TCAF1: variants seen among roughly 807,000 people sequenced by gnomAD.
TCAF1 encodes the protein TRPM8 channel associated factor 1, also known as TRPM8 channel-associated factor 1.
TCAF1 carries 4 observed loss-of-function variants against 27.3 expected under a neutral mutation model. That is an observed-to-expected ratio of 0.15 (90% confidence interval 0.07 to 0.34). The LOEUF (loss-of-function observed/expected upper bound fraction) is 0.34. TCAF1 is among the 10% of genes least tolerant of loss of function. The pLI, the probability that TCAF1 is intolerant of heterozygous loss-of-function variation, is 1.00. For synonymous variants in TCAF1, 105 were observed against 167.1 expected (o/e 0.63, Z 2.87); for missense variants, 257 against 425.8 (o/e 0.60, Z 3.49).
intron 1 of TCAF1, among the ~76,000 whole-genome samples, chr7:143,900,856 A>G (rs1814083206): frequency 6.6e-6 from 1 of 152,238 alleles, no homozygotes; most frequent in Non-Finnish European, 1.5e-5. Context: ...TGAAAGATGA[A>G]TCTATAAAAC....
rs1391371544 is a variant in TCAF1 at position 143,859,880 on chromosome 7, C to T, written c.2167+328G>A. Among the ~76,000 whole-genome samples the T allele has an allele frequency of 1.4e-3, 115 of 84,798 alleles. 7 individuals carry two copies. Among genetic ancestry groups the T allele is most frequent in the African/African-American group, 5.9e-3 (102 of 17,154 alleles). The allele number at this position is 84,798 out of a possible 152,430, so 55.6% of individuals were successfully genotyped here. A position where few individuals can be genotyped will look rare whatever the true frequency, so the allele number is the denominator to read the frequency against. ...TTTTATATACACATATACATATATA[C>T]ATATATATAATATATATTATATAAT... is the stretch of plus-strand genomic sequence containing the variant. On this transcript the variant is annotated intron_variant, in intron 6 of 8. Transcript: ENST00000479870.
chr7:143,879,030 G>C (rs1034455143), intron 1 of TCAF1, among the ~76,000 whole-genome samples: 3 of 152,184 alleles, frequency 2.0e-5, no homozygotes, highest in African/African-American at 7.2e-5. Flanking sequence ...CTGCAGAGCT[G>C]GCTGCTCCCT....
intron 6 of TCAF1, among the ~76,000 whole-genome samples, 193 bp downstream of exon 6, chr7:143,860,015 A>AT (rs1811910752): frequency 1.4e-5 from 1 of 69,196 alleles, no homozygotes; most frequent in Non-Finnish European, 2.6e-5. Flanking sequence ...TATATATAAT[A>AT]TATATTATAT....
rs1491476913 is a variant in TCAF1 at position 143,860,027 on chromosome 7, T to TA, written c.2167+180_2167+181insT. Among the ~76,000 whole-genome samples the TA allele has an allele frequency of 3.0e-3, 72 of 24,330 alleles. 4 individuals carry two copies. Among genetic ancestry groups the TA allele is most frequent in the African/African-American group, 5.9e-3 (52 of 8,882 alleles). 16.0% of individuals were successfully genotyped at this position (24,330 alleles called of 152,430 possible). A position where few individuals can be genotyped will look rare whatever the true frequency, so the allele number is the denominator to read the frequency against. On this transcript the variant is annotated intron_variant, in intron 6 of 8. Transcript: ENST00000479870. ...ATATATATATAATATATATTATATA[T>TA]TATATATATAATATATAATATATAT... is the stretch of plus-strand genomic sequence containing the variant.
chr7:143,882,295 A>C (rs1328514901), intron 1 of TCAF1, among the ~76,000 whole-genome samples: 1 of 151,964 alleles, frequency 6.6e-6, no homozygotes, highest in Non-Finnish European at 1.5e-5. Flanking sequence ...GTTCACAAAG[A>C]TCAAAGGGCA....
intron 6 of TCAF1, among the ~76,000 whole-genome samples, chr7:143,859,987 A>ATT (rs1246432885): frequency 0.022 from 445 of 20,400 alleles, 89 homozygotes; most frequent in South Asian, 0.055. Flanking sequence ...TATATTATAT[A>ATT]ATATATATTA....
In TCAF1 at chr7:143,859,943, A is replaced by G. The variant is rs1290973671; in HGVS notation, c.2167+265T>C. Among the ~76,000 whole-genome samples the G allele has an allele frequency of 6.5e-3, 379 of 58,716 alleles. 57 individuals carry two copies. Among genetic ancestry groups the G allele is most frequent in the African/African-American group, 7.4e-3 (112 of 15,122 alleles). The allele number at this position is 58,716 out of a possible 152,430, so 38.5% of individuals were successfully genotyped here. A position where few individuals can be genotyped will look rare whatever the true frequency, so the allele number is the denominator to read the frequency against. ...ATATATATTATATAATATATATTAT[A>G]TAATATATATTACGGAATATATATT... On this transcript the variant is annotated intron_variant, in intron 6 of 8. Coordinates refer to ENST00000479870, the MANE Select transcript of TCAF1 (RefSeq NM_014719.3).
chr7:143,892,275 C>T (rs763057217), intron 1 of TCAF1, among the ~76,000 whole-genome samples: 2 of 151,742 alleles, frequency 1.3e-5, no homozygotes, highest in Non-Finnish European at 2.9e-5. Flanking sequence ...AGTACAGCTG[C>T]AAGATGGAGA....
In TCAF1 at chr7:143,901,986, G is replaced by A. The variant is rs1814140569; in HGVS notation, c.-40C>T. 6.6e-6 allele frequency: 1 copy of A among 152,318 alleles called. No individual in the cohort carries two copies. The highest frequency in any genetic ancestry group is 2.4e-5 in the African/African-American group (1 of 41,448). 9.4% of individuals were successfully genotyped at this position (152,318 alleles called of 1,614,324 possible). A position where few individuals can be genotyped will look rare whatever the true frequency, so the allele number is the denominator to read the frequency against. ...CCGGGGCCCAGGCCTCGGTCACCGC[G>A]GGCCTCTCCTGGTCCAGAGTCTACG... On this transcript the variant is annotated 5_prime_UTR_variant, in exon 1 of 9. Transcript: ENST00000479870.
chr7:143,897,739 C>T (rs77846201), intron 1 of TCAF1, among the ~76,000 whole-genome samples: 5,363 of 152,118 alleles, frequency 0.035, 126 homozygotes, highest in Non-Finnish European at 0.05. Flanking sequence ...TCATTAAAAT[C>T]TTCTGAAAAA....
At chr7:143,901,344 A>G (rs1216759730) in intron 1 of TCAF1, among the ~76,000 whole-genome samples, 1 of 152,156 alleles carries the variant, frequency 6.6e-6, no homozygotes, top group African/African-American at 2.4e-5. Flanking sequence ...CCAATTGGCA[A>G]AGATCTTTTT....
chr7:143,874,667 GA>G (rs1812591032), intron 2 of TCAF1, among the ~76,000 whole-genome samples: 1 of 151,916 alleles, frequency 6.6e-6, no homozygotes, highest in African/African-American at 2.4e-5. Context: ...CCTTTAGAGA[GA>G]AAAAGAGAAT....
intron 1 of TCAF1, among the ~76,000 whole-genome samples, chr7:143,888,463 G>A (rs1324322871): frequency 6.6e-6 from 1 of 152,202 alleles, no homozygotes; most frequent in Admixed American, 6.5e-5. Context: ...CAGGGTAAAG[G>A]TAAATAGGAA....
At chr7:143,876,978 T>C (rs1324622041) in intron 1 of TCAF1, among the ~76,000 whole-genome samples, 2 of 152,176 alleles carry the variant, frequency 1.3e-5, no homozygotes, top group Admixed American at 6.5e-5. Context: ...CAAGCTAAGA[T>C]GAGGTCATAT....
At chr7:143,858,381 GA>G (rs1186147762) in intron 7 of TCAF1, among the ~76,000 whole-genome samples, 805 of 104,694 alleles carry the variant, frequency 7.7e-3, no homozygotes, top group African/African-American at 0.03. Context: ...TTCATCTAAG[GA>G]AAAAAAAAAT....
intron 1 of TCAF1, among the ~76,000 whole-genome samples, chr7:143,881,738 T>C (rs1172691715): frequency 3.9e-5 from 6 of 151,964 alleles, no homozygotes; most frequent in Admixed American, 2.6e-4. Flanking sequence ...GTAAGCAGGG[T>C]TGGAGTCTTT....
chr7:143,889,649 C>T (rs1813556748), intron 1 of TCAF1, among the ~76,000 whole-genome samples: 1 of 152,184 alleles, frequency 6.6e-6, no homozygotes, highest in East Asian at 1.9e-4. Context: ...GTGGTCCAGT[C>T]AAAGCAAAAG....
chr7:143,890,264 A>G (rs1236620519), intron 1 of TCAF1, among the ~76,000 whole-genome samples: 1 of 152,076 alleles, frequency 6.6e-6, no homozygotes, highest in Non-Finnish European at 1.5e-5. Context: ...GGCCTCCCAA[A>G]GTGCTGGGAG....
intron 1 of TCAF1, among the ~76,000 whole-genome samples, chr7:143,895,252 TAGTC>T (rs1242302102): frequency 6.6e-6 from 1 of 151,846 alleles, no homozygotes; most frequent in South Asian, 2.1e-4. Context: ...TTATTTGTAA[TAGTC>T]AGAAACACTG....
Sources: allele counts gnomAD v4.1 joint callset (sites outside exome capture counted in the v4.1 genomes callset), GRCh38; gene constraint gnomAD v4.1.1; transcripts MANE v1.5; gene names NCBI Gene and HGNC (gene_info 2026-07-23, HGNC 2026-07-21).